SACS: variants seen among roughly 807,000 people sequenced by gnomAD.
SACS encodes sacsin molecular chaperone.
SACS carries 197 observed loss-of-function variants against 348.0 expected under a neutral mutation model. That is an observed-to-expected ratio of 0.57 (90% CI 0.50 to 0.64). The LOEUF is 0.64. SACS is among the 30% of genes least tolerant of loss of function. SACS has a pLI of 0.00. For missense variants in SACS, 4,999 were observed against 5,360.8 expected (o/e 0.93, Z 2.11); for synonymous variants, 1,985 against 1,910.6 (o/e 1.04, Z -1.02).
Position 23,340,209 on chromosome 13 carries a change from C to T in SACS, c.3667G>A (p.Ala1223Thr). The change falls in exon 10 of 10, where the codon GCT becomes ACT. Residue 1223 changes from alanine to threonine, a missense_variant. Transcript: ENST00000382292. Reference protein sequence around the residue: ...LGIFTKPSLSAVLKHFKIVVD... With the variant: ...LGIFTKPSLSTVLKHFKIVVD... ...ACAATTTTAAAGTGTTTTAAGACAG[C>T]ACTAAGGCTAGGTTTTGTGAAGATC... is the stretch of plus-strand genomic sequence containing the variant. The T allele has an allele frequency of 6.2e-7, 1 of 1,611,012 alleles. No homozygotes were observed. Among genetic ancestry groups the T allele is most frequent in the Non-Finnish European group, 8.5e-7 (1 of 1,178,242 alleles).
In SACS at chr13:23,355,916, A is replaced by T. The variant is rs2031640; in HGVS notation, c.696T>A (p.Asn232Lys). The T allele has an allele frequency of 0.11, 182,900 of 1,614,054 alleles. 11,232 individuals are homozygous for T. The highest frequency in any genetic ancestry group is 0.13 in the East Asian group (5,963 of 44,874). The change falls in exon 8 of 10, where the codon AAT (asparagine) becomes AAA (lysine). Residue 232 changes from asparagine to lysine, a missense_variant. Asn to Lys is a moderately conservative substitution (Grantham distance 94). Transcript: ENST00000382292. ...FGPHESGQCW[N>K]LKDDSKEISE... ...TAATTTCTTTGCTGTCATCTTTGAGATTCCAACATTGGCCTGATTCATGTG... is the reference window on the plus strand; with the variant it reads ...TAATTTCTTTGCTGTCATCTTTGAGTTTCCAACATTGGCCTGATTCATGTG...
At chr13:23,414,065 G>A (rs1400248000) in intron 1 of SACS, among the ~76,000 whole-genome samples, 1 of 152,190 alleles carries the variant, frequency 6.6e-6, no homozygotes, top group East Asian at 1.9e-4. Flanking sequence ...AGCACGTTGG[G>A]AGGCCGAGGC....
chr13:23,402,418 T>C (rs767094309), intron 2 of SACS, among the ~76,000 whole-genome samples: 1 of 152,234 alleles, frequency 6.6e-6, no homozygotes, highest in Non-Finnish European at 1.5e-5. Flanking sequence ...AATTTAGTGA[T>C]TATGCCTTTG....
chr13:23,379,055 T>G lies in SACS; in HGVS notation c.21-3786A>C, dbSNP rs188691206. ...AATATCCCTTCTGCTTTTCCTTTAT[T>G]TTTCTGAGTTGTTCCTGATGTTCTG... On this transcript the variant is annotated intron_variant, in intron 2 of 9. Transcript: ENST00000382292. 1.7e-3 allele frequency among the ~76,000 whole-genome samples: 258 copies of G among 152,312 alleles called. 1 individual carries two copies. The highest frequency in any genetic ancestry group is 6.1e-3 in the African/African-American group (252 of 41,578).
rs145010681 is a variant in SACS, at chr13:23,412,024, C to T, written c.-501-284G>A. On this transcript the variant is annotated intron_variant, in intron 1 of 9. Coordinates refer to ENST00000382292, the MANE Select transcript of SACS (RefSeq NM_014363.6). Reference sequence around the variant, plus strand: ...CCTGTAATCCCAACACTTTGGGAGGCAGAGGCGCGCAGGTCACAAGGTCAG... The same window carrying T: ...CCTGTAATCCCAACACTTTGGGAGGTAGAGGCGCGCAGGTCACAAGGTCAG... Among the ~76,000 whole-genome samples the T allele has an allele frequency of 0.031, 4,687 of 152,252 alleles. 255 individuals are homozygous for T. Among genetic ancestry groups the T allele is most frequent in the African/African-American group, 0.11 (4,406 of 41,504 alleles).
Position 23,339,360 on chromosome 13 carries a change from T to C in SACS, c.4516A>G (p.Arg1506Gly). Residue 1506 changes from arginine (R) to glycine (G), a missense_variant, in exon 10 of 10, where the codon AGA becomes GGA. By Grantham distance (125) the Arg-to-Gly change is moderately radical (BLOSUM62 -2). Coordinates refer to ENST00000382292, the MANE Select transcript of SACS (RefSeq NM_014363.6). ...LIDMRRNMDI[R>G]ENLLDPGMAA... ...ATCCCTGGGTCTAGGAGATTCTCTC[T>C]TATGTCCATATTTCTTCTCATATCA... is the stretch of plus-strand genomic sequence containing the variant. The C allele has an allele frequency of 6.2e-7, 1 of 1,613,520 alleles. No individual in the cohort carries two copies. The highest frequency in any genetic ancestry group is 1.1e-5 in the South Asian group (1 of 90,850).
rs1566062448 is a variant in SACS, at chr13:23,335,108, A to G, written c.8768T>C (p.Val2923Ala). The G allele has an allele frequency of 6.2e-7, 1 of 1,613,918 alleles. No homozygotes were observed. The highest frequency in any genetic ancestry group is 8.5e-7 in the Non-Finnish European group (1 of 1,179,894). The stretch of plus-strand genomic sequence containing the variant: ...TTTTTTTAACTGTATTAGCAATTCA[A>G]CATATGCAGGAGCTATTAATGCTGT... Reference protein sequence around the residue: ...LMTALIAPAYVELLIQLKKRY... With the variant: ...LMTALIAPAYAELLIQLKKRY... The change falls in exon 10 of 10, where the codon GTT becomes GCT. Residue 2923 changes from valine to alanine, a missense_variant. By Grantham distance (64) the Val-to-Ala change is moderately conservative. Coordinates refer to ENST00000382292, the MANE Select transcript of SACS (RefSeq NM_014363.6). The surrounding 1 kb of genome is among the most constrained non-coding windows in gnomAD (Gnocchi z 4.7).
Position 23,336,218 on chromosome 13 carries a change from G to T in SACS, c.7658C>A (p.Ala2553Asp). Residue 2553 changes from alanine to aspartate, a missense_variant, in exon 10 of 10, where the codon GCT (alanine) becomes GAT (aspartate). Ala to Asp is a moderately radical substitution (Grantham distance 126). Around this residue, in one of 6 missense-constraint regions of SACS, gnomAD observed 3,156 missense variants for 3,380.1 expected, o/e 0.93. Coordinates refer to ENST00000382292, the MANE Select transcript of SACS (RefSeq NM_014363.6). Reference sequence around the variant, plus strand: ...GATTTCTGTCGCCTTTGCATCATCAGCATTTTGAAGAAGCTCTTTCAACAT... The same window carrying T: ...GATTTCTGTCGCCTTTGCATCATCATCATTTTGAAGAAGCTCTTTCAACAT... ...KEMLKELLQNADDAKATEICF... is the reference protein window; with the variant it reads ...KEMLKELLQNDDDAKATEICF... The T allele has an allele frequency of 6.2e-7, 1 of 1,614,032 alleles. No homozygotes were observed. Among genetic ancestry groups the T allele is most frequent in the Non-Finnish European group, 8.5e-7 (1 of 1,179,924 alleles).
At chr13:23,430,160 A>C (rs1421060612) in intron 1 of SACS, among the ~76,000 whole-genome samples, 7 of 152,130 alleles carry the variant, frequency 4.6e-5, no homozygotes, top group Non-Finnish European at 1.5e-5. Context: ...GTGAGCCGAG[A>C]TTGCACCACT....
intron 9 of SACS, among the ~76,000 whole-genome samples, chr13:23,343,472 G>A (rs1832996000): frequency 6.6e-6 from 1 of 152,148 alleles, no homozygotes; most frequent in African/African-American, 2.4e-5. Flanking sequence ...GGAACACGAG[G>A]TCAGGAGTTC....
rs921678061 is a variant in SACS at position 23,356,965 on chromosome 13, A to G, written c.605-958T>C. On this transcript the variant is annotated intron_variant, in intron 7 of 9. Coordinates refer to ENST00000382292, the MANE Select transcript of SACS (RefSeq NM_014363.6). ...GACAGTGGGGTCTAGGGAATGCTCA[A>G]CCCTGCTCCCAAGGCACAGAGTCGC... is the stretch of plus-strand genomic sequence containing the variant. 2.0e-5 allele frequency among the ~76,000 whole-genome samples: 3 copies of G among 152,208 alleles called. No individual in the cohort carries two copies. The South Asian group carries it at 6.2e-4, about 31-fold the overall frequency.
chr13:23,373,894 AG>A, intron 3 of SACS: 1 of 152,740 alleles, frequency 6.5e-6, no homozygotes, highest in Admixed American at 6.6e-5. Context: ...TGTCAACATC[AG>A]GAGCCTCCTC....
At chr13:23,413,420 G>A (rs1350354517) in intron 1 of SACS, among the ~76,000 whole-genome samples, 1 of 152,218 alleles carries the variant, frequency 6.6e-6, no homozygotes, top group Admixed American at 6.5e-5. Context: ...GAACAAGAAA[G>A]GTAGAGATGC....
In SACS at chr13:23,340,812, A is replaced by T. The variant is rs1869135933; in HGVS notation, c.3064T>A (p.Ser1022Thr). Residue 1022 changes from serine (S) to threonine (T), a missense_variant, in exon 10 of 10, where the codon TCT (serine) becomes ACT (threonine). Coordinates refer to ENST00000382292, the MANE Select transcript of SACS (RefSeq NM_014363.6). ...LMLWVLENLS[S>T]LKNENPNVLE... ...ACATTTGGATTCTCATTTTTAAGAG[A>T]AGATAGATTCTCAAGGACCCATAAC... 6.2e-7 allele frequency: 1 copy of T among 1,600,492 alleles called. No individual in the cohort carries two copies. Among genetic ancestry groups the T allele is most frequent in the African/African-American group, 1.3e-5 (1 of 74,356 alleles).
At chr13:23,426,808 T>C (rs1182622964) in intron 1 of SACS, among the ~76,000 whole-genome samples, 1 of 152,124 alleles carries the variant, frequency 6.6e-6, no homozygotes, top group African/African-American at 2.4e-5. Context: ...TATGCATCTA[T>C]CTCAGAGAGC....
intron 2 of SACS, among the ~76,000 whole-genome samples, chr13:23,406,462 G>A (rs1290878875): frequency 6.6e-6 from 1 of 151,912 alleles, no homozygotes; most frequent in Non-Finnish European, 1.5e-5. Flanking sequence ...AAACCACCAT[G>A]GTACATGTAT....
intron 9 of SACS, among the ~76,000 whole-genome samples, chr13:23,350,560 T>G (rs1409499): frequency 0.84 from 127,700 of 151,642 alleles, 54,174 homozygotes; most frequent in East Asian, 1. Context: ...AGTTTCCATA[T>G]CAGAAAAAAC....
chr13:23,332,970 G>T lies in SACS; in HGVS notation c.10906C>A (p.Arg3636=). The change falls in exon 10 of 10, where the codon CGA becomes AGA. Residue 3636 remains arginine, a synonymous_variant. Transcript: ENST00000382292. ...AAATTTCCAGATAACAAATCCATTC[G>T]TTCTTGGAATATATGATGCAGAAGG... is the stretch of plus-strand genomic sequence containing the variant. ...DILLHHIFQE[R]MDLLSGNFLK... The T allele has an allele frequency of 6.2e-7, 1 of 1,613,796 alleles. No homozygotes were observed.
Position 23,337,085 on chromosome 13 carries a change from T to G in SACS, c.6791A>C (p.Asn2264Thr), listed in dbSNP as rs750158687. 3.7e-6 allele frequency: 6 copies of G among 1,613,990 alleles called. No individual in the cohort carries two copies. Among genetic ancestry groups the G allele is most frequent in the Non-Finnish European group, 5.1e-6 (6 of 1,179,914 alleles). ...ACCACAACCTCTAAAAGAATGGGAA[T>G]TTTCATTTAGAATTGGTTGCAAAAG... is the stretch of plus-strand genomic sequence containing the variant. Reference protein sequence around the residue: ...VCLLQPILNENSHSFRGCGSV... With the variant: ...VCLLQPILNETSHSFRGCGSV... The change falls in exon 10 of 10, where the codon AAT (asparagine) becomes ACT (threonine). Residue 2264 changes from asparagine (N) to threonine (T), a missense_variant. Asn to Thr is a moderately conservative substitution (Grantham distance 65). This residue lies in a region of SACS where 3,156 missense variants were observed against 3,380.1 expected (regional missense o/e 0.93). Transcript: ENST00000382292.
Sources: allele counts gnomAD v4.1 joint callset (sites outside exome capture counted in the v4.1 genomes callset), GRCh38; gene constraint gnomAD v4.1.1; regional missense constraint gnomAD v4.1.1; non-coding constraint Gnocchi (gnomAD v3.1); transcripts MANE v1.5; gene names NCBI Gene and HGNC (gene_info 2026-07-23, HGNC 2026-07-21).